SLC9C2: variants seen among roughly 807,000 people sequenced by gnomAD.
SLC9C2 encodes the protein sodium/hydrogen exchanger 11.
In SLC9C2, 75 loss-of-function variants were observed where a neutral mutation model predicts 140.2. The observed-to-expected ratio is 0.53, with a 90% CI of 0.44 to 0.65. SLC9C2 has a LOEUF of 0.65. Among genes scored for constraint, SLC9C2 ranks in the 30% least tolerant of loss-of-function variants. The pLI, the probability that SLC9C2 is intolerant of heterozygous loss-of-function variation, is 0.00. For missense variants in SLC9C2, 1,074 were observed against 1,331.8 expected, an observed-to-expected ratio of 0.81 and a Z score of 3.01; for synonymous variants, 375 against 420.9, an observed-to-expected ratio of 0.89 and a Z score of 1.34.
At chr1:173,546,158 C>T (rs572441911) in intron 13 of SLC9C2, among the ~76,000 whole-genome samples, 9 of 152,108 alleles carry the variant, frequency 5.9e-5, no homozygotes, top group Non-Finnish European at 1.2e-4. Context: ...CTACTGTGGA[C>T]GAGAGCCTTT....
rs754323224 is a variant in SLC9C2, at chr1:173,506,999, C to T, written c.3082G>A (p.Val1028Met). The T allele has an allele frequency of 6.2e-7, 1 of 1,607,592 alleles. No homozygotes were observed. Among genetic ancestry groups the T allele is most frequent in the Admixed American group, 1.7e-5 (1 of 58,642 alleles). The part of the protein sequence containing the change: ...QNCVMFNQAY[V>M]ETLSSYSDMI... ...TCACTATAGCTTGATAAAGTTTCCACATATGCTTGATTGAACATCACACAG... is the reference window on the plus strand; with the variant it reads ...TCACTATAGCTTGATAAAGTTTCCATATATGCTTGATTGAACATCACACAG... The change falls in exon 25 of 28, where the codon GTG becomes ATG. Residue 1028 changes from valine to methionine, a missense_variant. Val to Met is a conservative substitution (Grantham distance 21). Coordinates refer to ENST00000367714, the MANE Select transcript of SLC9C2 (RefSeq NM_178527.4).
intron 13 of SLC9C2, among the ~76,000 whole-genome samples, chr1:173,541,089 G>A (rs919196633): frequency 6.6e-6 from 1 of 152,044 alleles, no homozygotes; most frequent in African/African-American, 2.4e-5. Flanking sequence ...AGACCCATCA[G>A]TGTGCTGTAC....
chr1:173,513,785 C>T (rs377495352), intron 23 of SLC9C2, among the ~76,000 whole-genome samples: 18 of 152,128 alleles, frequency 1.2e-4, no homozygotes, highest in African/African-American at 4.3e-4. Flanking sequence ...CTGATGTGGG[C>T]ATTTAGTGCT....
At chr1:173,591,136 T>C (rs1298914762) in intron 4 of SLC9C2, among the ~76,000 whole-genome samples, 1 of 152,200 alleles carries the variant, frequency 6.6e-6, no homozygotes, top group Non-Finnish European at 1.5e-5. Flanking sequence ...CAGTATTTGG[T>C]TTTCTGTTAC....
chr1:173,502,600 C>A (rs1482945595), intron 27 of SLC9C2, among the ~76,000 whole-genome samples: 1 of 152,142 alleles, frequency 6.6e-6, no homozygotes, highest in Non-Finnish European at 1.5e-5. Flanking sequence ...GGCGTGACTT[C>A]CAGCCTTCTC....
intron 19 of SLC9C2, among the ~76,000 whole-genome samples, chr1:173,526,183 C>T (rs1558031652): frequency 6.6e-6 from 1 of 152,202 alleles, no homozygotes; most frequent in Non-Finnish European, 1.5e-5. Flanking sequence ...TGGGCTCCTG[C>T]TCTGTGCTTC....
At chr1:173,518,336 T>C (rs1286972759) in intron 22 of SLC9C2, among the ~76,000 whole-genome samples, 1 of 151,970 alleles carries the variant, frequency 6.6e-6, no homozygotes, top group Non-Finnish European at 1.5e-5. Flanking sequence ...TTGAGTCCAT[T>C]AGATATTCTT....
intron 21 of SLC9C2, among the ~76,000 whole-genome samples, chr1:173,523,204 T>A (rs1264404134): frequency 6.6e-6 from 1 of 151,942 alleles, no homozygotes; most frequent in African/African-American, 2.4e-5. Flanking sequence ...AAACCCCGTC[T>A]CTACTGAAAA....
At chr1:173,528,600 T>A (rs1183532876) in intron 18 of SLC9C2, among the ~76,000 whole-genome samples, 2 of 152,212 alleles carry the variant, frequency 1.3e-5, no homozygotes, top group Non-Finnish European at 2.9e-5. Flanking sequence ...CACAGCCTCT[T>A]TTCCTCTTCT....
chr1:173,533,523 C>T (rs1023736593), intron 17 of SLC9C2, 86 bp downstream of exon 17: 4 of 973,590 alleles, frequency 4.1e-6, no homozygotes, highest in African/African-American at 3.3e-5. Flanking sequence ...AGCAATCCAC[C>T]CACCTAGGCC....
chr1:173,538,235 C>T (rs542886559), intron 13 of SLC9C2, among the ~76,000 whole-genome samples: 6 of 152,292 alleles, frequency 3.9e-5, no homozygotes, highest in South Asian at 2.1e-4. Flanking sequence ...GATTTCCCTA[C>T]GTTGTAAGCC....
chr1:173,571,862 T>C lies in SLC9C2; in HGVS notation c.1046+1320A>G, dbSNP rs78040009. ...GTTTTAAAACCTACTGATAATTTCT[T>C]TGGGGAATCCTTTCATTATTCTGAA... On this transcript the variant is annotated intron_variant, in intron 9 of 27. Coordinates refer to ENST00000367714, the MANE Select transcript of SLC9C2 (RefSeq NM_178527.4). 44 of 152,316 alleles carry C rather than the reference T, an allele frequency of 2.9e-4. 1 individual carries two copies. The East Asian group carries it at 6.8e-3, about 23-fold the overall frequency. 9.4% of individuals were successfully genotyped at this position (152,316 alleles called of 1,614,324 possible).
chr1:173,508,123 T>C (rs970351225), intron 24 of SLC9C2, among the ~76,000 whole-genome samples: 3 of 151,938 alleles, frequency 2.0e-5, no homozygotes, highest in African/African-American at 7.3e-5. Flanking sequence ...CCAAAAACAT[T>C]TAAAAATTAG....
chr1:173,571,245 A>G (rs960701553), intron 9 of SLC9C2, among the ~76,000 whole-genome samples: 9 of 152,174 alleles, frequency 5.9e-5, no homozygotes, highest in Admixed American at 3.9e-4. Context: ...ACATCCTTCC[A>G]GGTGTTTTCT....
At chr1:173,535,710 A>G in intron 15 of SLC9C2, 120 bp downstream of exon 15, 1 of 1,187,206 alleles carries the variant, frequency 8.4e-7, no homozygotes. Context: ...CCACCCAATC[A>G]GTGAAAATAA....
chr1:173,583,672 G>A, intron 5 of SLC9C2, 50 bp from the exon 6 acceptor site: 2 of 950,482 alleles, frequency 2.1e-6, no homozygotes, highest in South Asian at 3.9e-5. Flanking sequence ...TGAAAATAAT[G>A]TTCTTGCACA....
intron 17 of SLC9C2, among the ~76,000 whole-genome samples, chr1:173,532,823 G>T (rs183334778): frequency 6.6e-5 from 10 of 152,262 alleles, no homozygotes; most frequent in African/African-American, 2.4e-4. Flanking sequence ...GAAACAGGAG[G>T]ATTGCTGGAG....
In SLC9C2 at chr1:173,539,306, C is replaced by T. The variant is rs115805133; in HGVS notation, c.1558-2267G>A. Among the ~76,000 whole-genome samples the T allele has an allele frequency of 9.5e-3, 1,440 of 152,138 alleles. 27 individuals carry two copies. Among genetic ancestry groups the T allele is most frequent in the African/African-American group, 0.033 (1,382 of 41,512 alleles). On this transcript the variant is annotated intron_variant, in intron 13 of 27. Transcript: ENST00000367714. Reference sequence around the variant, plus strand: ...ATGGAAATATTGGAGACAAGGGGACCAATTGAAAGTTATCGTCTGGACAAG... The same window carrying T: ...ATGGAAATATTGGAGACAAGGGGACTAATTGAAAGTTATCGTCTGGACAAG...
intron 9 of SLC9C2, among the ~76,000 whole-genome samples, chr1:173,560,311 C>T (rs562819173): frequency 6.6e-6 from 1 of 152,334 alleles, no homozygotes; most frequent in East Asian, 1.9e-4. Flanking sequence ...GGGCCGATAG[C>T]CCATCCCCCA....
Sources: allele counts gnomAD v4.1 joint callset (sites outside exome capture counted in the v4.1 genomes callset), GRCh38; gene constraint gnomAD v4.1.1; transcripts MANE v1.5; gene names NCBI Gene and HGNC (gene_info 2026-07-23, HGNC 2026-07-21).